Variants in TMEM135 observed in about 807,000 individuals in gnomAD.
TMEM135 encodes the protein transmembrane protein 135, also known as peroxisomal membrane protein 52.
In TMEM135, 30 loss-of-function variants were observed where a neutral mutation model predicts 60.3. The observed-to-expected ratio is 0.50, with a 90% confidence interval of 0.37 to 0.68. The LOEUF (loss-of-function observed/expected upper bound fraction) is 0.68, where lower values mean the gene tolerates loss of function less well. TMEM135 is among the 30% of genes least tolerant of loss of function. TMEM135 has a pLI of 0.00. For missense variants in TMEM135, 468 were observed against 548.8 expected (o/e 0.85, Z 1.47); for synonymous variants, 190 against 186.7 (o/e 1.02, Z -0.14).
At chr11:87,319,456 T>G in intron 14 of TMEM135, 79 bp downstream of exon 14, 2 of 1,000,026 alleles carry the variant, frequency 2.0e-6, no homozygotes, top group Non-Finnish European at 3.1e-6. Context: ...AGTGGTAAAG[T>G]AGGTATTTAT....
chr11:87,145,816 A>G (rs1207265071), intron 4 of TMEM135, among the ~76,000 whole-genome samples: 1 of 151,822 alleles, frequency 6.6e-6, no homozygotes, highest in Admixed American at 6.6e-5. Context: ...TGCTCCTTAC[A>G]TATTTGGGTT....
intron 1 of TMEM135, among the ~76,000 whole-genome samples, chr11:87,050,478 G>A (rs1949831257): frequency 2.9e-5 from 2 of 68,066 alleles, no homozygotes; most frequent in East Asian, 9.6e-4. Context: ...AATGATAAAG[G>A]GGATATCACC....
intron 6 of TMEM135, among the ~76,000 whole-genome samples, chr11:87,253,632 CATATAT>C (rs60680451): frequency 7.8e-6 from 1 of 128,352 alleles, no homozygotes; most frequent in African/African-American, 2.9e-5. Context: ...AAGGATGAGC[CATATAT>C]ATATATATAT....
chr11:87,096,712 A>G (rs555495360), intron 4 of TMEM135: 31 of 152,294 alleles, frequency 2.0e-4, no homozygotes, highest in Non-Finnish European at 4.1e-4. Flanking sequence ...TTATAATTGT[A>G]TTCACTTCAT....
intron 5 of TMEM135, 39 bp downstream of exon 5, chr11:87,157,445 TTA>T: frequency 6.4e-7 from 1 of 1,565,168 alleles, no homozygotes; most frequent in Non-Finnish European, 8.8e-7. Flanking sequence ...AGTTGTTAAT[TTA>T]TAGTTTGCGA....
chr11:87,131,731 A>G (rs921118128), intron 4 of TMEM135, among the ~76,000 whole-genome samples: 6 of 152,202 alleles, frequency 3.9e-5, no homozygotes, highest in East Asian at 1.9e-4. Context: ...TAAAATTAAA[A>G]TAGAACATAC....
intron 4 of TMEM135, among the ~76,000 whole-genome samples, chr11:87,117,756 C>T (rs768941688): frequency 2.0e-5 from 3 of 152,136 alleles, no homozygotes; most frequent in Non-Finnish European, 4.4e-5. Context: ...TTCCAAACTC[C>T]TGTTAATGTT....
At position 87,324,537 on chromosome 11, in the gene TMEM135, T is replaced by G; in HGVS notation, c.*3204T>G. ...CCTTGGTTCAAGCAATTATTTCCCC[T>G]CAGTCTCTAATAGCTGGGACAACAG... On this transcript the variant is annotated 3_prime_UTR_variant, in exon 15 of 15. Transcript: ENST00000305494. The G allele has an allele frequency of 4.4e-6, 2 of 453,294 alleles. No individual in the cohort carries two copies. The highest frequency in any genetic ancestry group is 8.8e-6 in the Non-Finnish European group (2 of 226,648). The allele number at this position is 453,294 out of a possible 1,614,324, so 28.1% of individuals were successfully genotyped here. A position where few individuals can be genotyped will look rare whatever the true frequency, so the allele number is the denominator to read the frequency against.
intron 5 of TMEM135, among the ~76,000 whole-genome samples, chr11:87,198,700 CTCTTT>C (rs1216962010): frequency 6.6e-6 from 1 of 151,614 alleles, no homozygotes; most frequent in Non-Finnish European, 1.5e-5. Context: ...TTCCCTCCCT[CTCTTT>C]TCTTTTTTTT....
At chr11:87,199,197 TA>T (rs1940038021) in intron 5 of TMEM135, among the ~76,000 whole-genome samples, 1 of 152,056 alleles carries the variant, frequency 6.6e-6, no homozygotes, top group Non-Finnish European at 1.5e-5. Context: ...CTGTCGCTAC[TA>T]AAAATACAAA....
chr11:87,054,265 T>C (rs2135119179), intron 1 of TMEM135, among the ~76,000 whole-genome samples: 1 of 151,928 alleles, frequency 6.6e-6, no homozygotes, highest in South Asian at 2.1e-4. Context: ...TGAAACCCCA[T>C]CTTCACTAAA....
intron 2 of TMEM135, among the ~76,000 whole-genome samples, chr11:87,071,125 C>A (rs1338862934): frequency 6.6e-6 from 1 of 152,152 alleles, no homozygotes; most frequent in Non-Finnish European, 1.5e-5. Context: ...GAGTGTTACC[C>A]ATTAGTTGTT....
At chr11:87,125,064 T>G (rs1937687023) in intron 4 of TMEM135, among the ~76,000 whole-genome samples, 1 of 152,218 alleles carries the variant, frequency 6.6e-6, no homozygotes, top group Non-Finnish European at 1.5e-5. Flanking sequence ...CTTGACTCGT[T>G]AGAACTTCTT....
intron 1 of TMEM135, among the ~76,000 whole-genome samples, chr11:87,062,417 G>C (rs1037766825): frequency 0.045 from 12 of 268 alleles, no homozygotes; most frequent in Non-Finnish European, 0.048. Flanking sequence ...TTCCCCCCAA[G>C]CCCCCCCCCC....
At chr11:87,142,432 CT>C (rs1180978240) in intron 4 of TMEM135, among the ~76,000 whole-genome samples, 5 of 152,120 alleles carry the variant, frequency 3.3e-5, no homozygotes, top group African/African-American at 9.7e-5. Context: ...TGGTTTTCCC[CT>C]ATCTCAATTA....
At chr11:87,180,293 G>C (rs1939483496) in intron 5 of TMEM135, among the ~76,000 whole-genome samples, 1 of 152,078 alleles carries the variant, frequency 6.6e-6, no homozygotes, top group Admixed American at 6.6e-5. Flanking sequence ...AGATAAACGG[G>C]AAAAACGGGC....
chr11:87,233,919 A>G (rs1268546082), intron 5 of TMEM135, among the ~76,000 whole-genome samples: 1 of 152,100 alleles, frequency 6.6e-6, no homozygotes, highest in Non-Finnish European at 1.5e-5. Context: ...ATTCTTCATT[A>G]TTTAACTGTG....
chr11:87,037,946 C>G lies in TMEM135; in HGVS notation c.-100C>G, dbSNP rs950019777. On this transcript the variant is annotated 5_prime_UTR_variant, in exon 1 of 15. Transcript: ENST00000305494. Reference sequence around the variant, plus strand: ...ACCTTTCCCCTCCATTCCGCACCTCCGAGTGCTGGCCGGGCGAGAGGCTGG... The same window carrying G: ...ACCTTTCCCCTCCATTCCGCACCTCGGAGTGCTGGCCGGGCGAGAGGCTGG... The G allele has an allele frequency of 7.6e-6, 12 of 1,568,782 alleles. No individual in the cohort carries two copies. The highest frequency in any genetic ancestry group is 8.7e-6 in the Non-Finnish European group (10 of 1,148,790).
intron 5 of TMEM135, among the ~76,000 whole-genome samples, chr11:87,192,005 T>TC (rs1939817017): frequency 2.7e-5 from 4 of 146,120 alleles, no homozygotes; most frequent in Admixed American, 6.8e-5. Context: ...TTTTTTTTTT[T>TC]CGAGATGGAG....
Sources: allele counts gnomAD v4.1 joint callset (sites outside exome capture counted in the v4.1 genomes callset), GRCh38; gene constraint gnomAD v4.1.1; transcripts MANE v1.5; gene names NCBI Gene and HGNC (gene_info 2026-07-23, HGNC 2026-07-21).